The following DLG1 variants were observed in gnomAD, a reference collection of about 807,000 sequenced individuals.
DLG1 encodes discs large MAGUK scaffold protein 1, also known as disks large homolog 1.
In DLG1, 42 loss-of-function variants were observed where a neutral mutation model predicts 123.4. That is an observed-to-expected ratio of 0.34 (90% CI 0.27 to 0.44). The LOEUF is 0.44. DLG1 is among the 20% of genes least tolerant of loss of function. The probability of loss-of-function intolerance (pLI) is 1.00; values close to 1 mark genes in which losing one functional copy is unlikely to be tolerated. For synonymous variants in DLG1, 317 were observed against 356.2 expected, an observed-to-expected ratio of 0.89 and a Z score of 1.24; for missense variants, 942 against 1,082.6, an observed-to-expected ratio of 0.87 and a Z score of 1.82.
At chr3:197,255,560 C>A (rs1376988365) in intron 4 of DLG1, among the ~76,000 whole-genome samples, 2 of 152,080 alleles carry the variant, frequency 1.3e-5, no homozygotes, top group African/African-American at 4.8e-5. Flanking sequence ...CACAAAAGGA[C>A]TTGTATAAAA....
Position 197,047,480 on chromosome 3 carries a change from A to G in DLG1, c.2576-2751T>C, listed in dbSNP as rs73208253. The stretch of plus-strand genomic sequence containing the variant: ...GATACTCAGTGTGAATGTCAAATTT[A>G]GGCTGATATTATTTCAAACAAACAA... On this transcript the variant is annotated intron_variant, in intron 24 of 24. Transcript: ENST00000667157. Among the ~76,000 whole-genome samples the G allele has an allele frequency of 5.4e-3, 818 of 152,342 alleles. 4 individuals carry two copies. Among genetic ancestry groups the G allele is most frequent in the Non-Finnish European group, 8.3e-3 (563 of 68,030 alleles).
intron 6 of DLG1, among the ~76,000 whole-genome samples, chr3:197,144,444 A>G (rs1789639934): frequency 1.3e-5 from 2 of 152,066 alleles, no homozygotes; most frequent in South Asian, 4.1e-4. Flanking sequence ...GGACCTCCCA[A>G]CCTTGTCAAG....
At position 197,092,112 on chromosome 3, in the gene DLG1, T is replaced by A. The variant is rs563552021; in HGVS notation, c.1547-1086A>T. ...CCTTAATAGTAGAATGTATCCATCATAATTAAATAAATATCAATCCATGGC... is the reference window on the plus strand; with the variant it reads ...CCTTAATAGTAGAATGTATCCATCAAAATTAAATAAATATCAATCCATGGC... On this transcript the variant is annotated intron_variant, in intron 14 of 24. Transcript: ENST00000667157. Among the ~76,000 whole-genome samples, 17 of 152,316 alleles carry A rather than the reference T, an allele frequency of 1.1e-4. No homozygotes were observed. In the East Asian group the frequency reaches 3.3e-3, roughly 29 times the overall value.
Position 197,042,723 on chromosome 3 carries a change from T to G in DLG1, c.*1900A>C, listed in dbSNP as rs547594097. The G allele has an allele frequency of 1.3e-5, 2 of 152,218 alleles. No individual in the cohort carries two copies. Among genetic ancestry groups the G allele is most frequent in the Non-Finnish European group, 2.9e-5 (2 of 68,038 alleles). The allele number at this position is 152,218 out of a possible 1,614,324, so 9.4% of individuals were successfully genotyped here. A position where few individuals can be genotyped will look rare whatever the true frequency, so the allele number is the denominator to read the frequency against. On this transcript the variant is annotated 3_prime_UTR_variant, in exon 25 of 25. Coordinates refer to ENST00000667157, the MANE Select transcript of DLG1 (RefSeq NM_001366207.1). ...TCTTGAGATTTTACAACAGTTTTCT[T>G]CATACTAGTGTGTTTCTATGTGGTT...
intron 6 of DLG1, among the ~76,000 whole-genome samples, chr3:197,144,890 C>T (rs1789924372): frequency 6.6e-6 from 1 of 152,166 alleles, no homozygotes; most frequent in Non-Finnish European, 1.5e-5. Context: ...AATCATAGCT[C>T]GTTGCAGCCT....
At chr3:197,241,566 G>A (rs1748873271) in intron 4 of DLG1, among the ~76,000 whole-genome samples, 1 of 152,080 alleles carries the variant, frequency 6.6e-6, no homozygotes, top group Non-Finnish European at 1.5e-5. Flanking sequence ...CACGACTCTA[G>A]TATTATATAA....
chr3:197,085,527 G>T, intron 16 of DLG1, 53 bp downstream of exon 16: 1 of 1,571,690 alleles, frequency 6.4e-7, no homozygotes. Flanking sequence ...AAATTTAAAA[G>T]AACATCAATT....
At position 197,224,679 on chromosome 3, in the gene DLG1, A is replaced by G. The variant is rs532175108; in HGVS notation, c.319-30090T>C. 2.1e-3 allele frequency among the ~76,000 whole-genome samples: 322 copies of G among 152,322 alleles called. 1 individual carries two copies. Among genetic ancestry groups the G allele is most frequent in the African/African-American group, 6.5e-3 (270 of 41,580 alleles). ...AAATTTCTGAAATCTCAGTAGGAAAATAAGAATTCTCTGACAAAACAAAGA... is the reference window on the plus strand; with the variant it reads ...AAATTTCTGAAATCTCAGTAGGAAAGTAAGAATTCTCTGACAAAACAAAGA... On this transcript the variant is annotated intron_variant, in intron 4 of 24. Transcript: ENST00000667157.
chr3:197,220,190 G>T (rs147631970), intron 4 of DLG1, among the ~76,000 whole-genome samples: 1 of 152,030 alleles, frequency 6.6e-6, no homozygotes, highest in Non-Finnish European at 1.5e-5. Flanking sequence ...ATGAATCAAT[G>T]AATAAATTAA....
At position 197,270,625 on chromosome 3, in the gene DLG1, G is replaced by A. The variant is rs529993653; in HGVS notation, c.318+12054C>T. 2.6e-5 allele frequency among the ~76,000 whole-genome samples: 4 copies of A among 152,084 alleles called. No individual in the cohort carries two copies. The South Asian group carries it at 8.3e-4, about 32-fold the overall frequency. ...GTGATTTGGCAATGATCACCAATGGGGGGAAACTGACTCACTACAAGGTGC... is the reference window on the plus strand; with the variant it reads ...GTGATTTGGCAATGATCACCAATGGAGGGAAACTGACTCACTACAAGGTGC... On this transcript the variant is annotated intron_variant, in intron 4 of 24. Transcript: ENST00000667157.
At chr3:197,264,853 C>G (rs181496208) in intron 4 of DLG1, among the ~76,000 whole-genome samples, 9 of 152,326 alleles carry the variant, frequency 5.9e-5, no homozygotes, top group African/African-American at 2.2e-4. Flanking sequence ...AAGGAACACT[C>G]AACTTGTAGT....
At chr3:197,166,883 AC>A (rs1266445784) in intron 5 of DLG1, among the ~76,000 whole-genome samples, 3 of 151,080 alleles carry the variant, frequency 2.0e-5, no homozygotes, top group Non-Finnish European at 4.4e-5. Context: ...TAAGAGCGAA[AC>A]TCCGTCTCGG....
At chr3:197,105,290 T>C (rs1765731409) in intron 13 of DLG1, among the ~76,000 whole-genome samples, 1 of 152,184 alleles carries the variant, frequency 6.6e-6, no homozygotes, top group Non-Finnish European at 1.5e-5. Flanking sequence ...AAATGTACCT[T>C]AATTTGAGAA....
chr3:197,105,459 C>T lies in DLG1; in HGVS notation c.1444-454G>A, dbSNP rs552221206. 8.1e-4 allele frequency among the ~76,000 whole-genome samples: 123 copies of T among 152,270 alleles called. 1 individual carries two copies. Among genetic ancestry groups the T allele is most frequent in the African/African-American group, 2.8e-3 (117 of 41,564 alleles). On this transcript the variant is annotated intron_variant, in intron 13 of 24. Transcript: ENST00000667157. ...CCAATTATTTTTCTTCCTGTACAAA[C>T]TAAAACTTCCATTCTTTTGGTATAA...
intron 4 of DLG1, among the ~76,000 whole-genome samples, chr3:197,215,060 T>A (rs568574081): frequency 1.4e-4 from 21 of 152,348 alleles, no homozygotes; most frequent in African/African-American, 3.8e-4. Context: ...TAAATACATA[T>A]AACCTTTGAC....
chr3:197,182,301 A>G (rs1712704667), intron 5 of DLG1, among the ~76,000 whole-genome samples: 2 of 152,194 alleles, frequency 1.3e-5, no homozygotes, highest in African/African-American at 4.8e-5. Flanking sequence ...GCAGTATTCA[A>G]TTTAAGAGTT....
intron 5 of DLG1, chr3:197,161,838 AAT>A: frequency 1.4e-6 from 1 of 698,558 alleles, no homozygotes. Context: ...AGTTTTCAGA[AAT>A]AACTATGCAA....
chr3:197,210,172 C>T (rs1475512797), intron 4 of DLG1, among the ~76,000 whole-genome samples: 4 of 144,498 alleles, frequency 2.8e-5, no homozygotes, highest in Non-Finnish European at 6.2e-5. Flanking sequence ...AAAAGGAAAT[C>T]TGTAGCTTTA....
chr3:197,147,468 ACAC>A (rs1181481274), intron 6 of DLG1, among the ~76,000 whole-genome samples: 2 of 142,708 alleles, frequency 1.4e-5, no homozygotes, highest in Non-Finnish European at 3.1e-5. Flanking sequence ...ACACACACAC[ACAC>A]CATGGAATAC....
Sources: allele counts gnomAD v4.1 joint callset (sites outside exome capture counted in the v4.1 genomes callset), GRCh38; gene constraint gnomAD v4.1.1; transcripts MANE v1.5; gene names NCBI Gene and HGNC (gene_info 2026-07-23, HGNC 2026-07-21).